Variants in TGFB2 observed in about 807,000 individuals in gnomAD.
The protein encoded by TGFB2 is transforming growth factor beta-2 proprotein.
A neutral mutation model predicts 42.7 loss-of-function variants in TGFB2; 13 were observed. The ratio of observed to expected loss-of-function variants is 0.30; its 90% confidence interval spans 0.20 to 0.48. The LOEUF (loss-of-function observed/expected upper bound fraction) is 0.48, where lower values mean the gene tolerates loss of function less well. TGFB2 is among the 20% of genes least tolerant of loss of function. The pLI is 0.99. For missense variants in TGFB2, 390 were observed against 517.5 expected (o/e 0.75, Z 2.39); for synonymous variants, 193 against 193.6 (o/e 1.00, Z 0.03).
chr1:218,437,596 C>T (rs1660013659), intron 6 of TGFB2, 100 bp downstream of exon 6: 3 of 1,288,466 alleles, frequency 2.3e-6, no homozygotes, highest in Admixed American at 2.8e-5. Context: ...TGCTGTCTTA[C>T]CATCACACAT....
At chr1:218,430,973 G>A (rs1447322735) in intron 2 of TGFB2, among the ~76,000 whole-genome samples, 1 of 152,174 alleles carries the variant, frequency 6.6e-6, no homozygotes, top group African/African-American at 2.4e-5. Context: ...TCTGAGTGAT[G>A]GAAAGCAGCT....
intron 1 of TGFB2, among the ~76,000 whole-genome samples, chr1:218,375,916 T>G (rs1399483572): frequency 6.6e-6 from 1 of 152,128 alleles, no homozygotes; most frequent in Non-Finnish European, 1.5e-5. Flanking sequence ...CCCCTGAACT[T>G]AAGAAGTTGA....
At chr1:218,394,704 A>C (rs986013876) in intron 1 of TGFB2, among the ~76,000 whole-genome samples, 29 of 150,782 alleles carry the variant, frequency 1.9e-4, no homozygotes, top group Non-Finnish European at 1.5e-5. Context: ...GGCCGGAGAG[A>C]AAATCAGAAA....
chr1:218,440,430 CTTAT>C (rs1423432342), intron 6 of TGFB2, among the ~76,000 whole-genome samples: 1 of 151,180 alleles, frequency 6.6e-6, no homozygotes, highest in African/African-American at 2.4e-5. Context: ...TCCTTCCTTC[CTTAT>C]TTATTTATTT....
At chr1:218,363,945 G>C (rs1371912242) in intron 1 of TGFB2, among the ~76,000 whole-genome samples, 1 of 152,098 alleles carries the variant, frequency 6.6e-6, no homozygotes, top group East Asian at 1.9e-4. Flanking sequence ...GGCCTTGAAT[G>C]CGGCCCAATG....
chr1:218,408,090 T>C (rs1034147782), intron 2 of TGFB2, among the ~76,000 whole-genome samples: 4 of 152,212 alleles, frequency 2.6e-5, no homozygotes, highest in Admixed American at 6.5e-5. Context: ...TTGGCCCTAC[T>C]TTAGTTACAT....
chr1:218,368,674 A>T (rs572634207), intron 1 of TGFB2, among the ~76,000 whole-genome samples: 1 of 152,202 alleles, frequency 6.6e-6, no homozygotes, highest in South Asian at 2.1e-4. Context: ...GGCATGGATG[A>T]ATTTGTTAAG....
chr1:218,434,252 A>G, intron 3 of TGFB2, 38 bp downstream of exon 3: 7 of 1,612,504 alleles, frequency 4.3e-6, no homozygotes, highest in Non-Finnish European at 5.9e-6. Flanking sequence ...CAAGATGTTC[A>G]GTATCCCTAA....
At chr1:218,420,569 T>C (rs1408840883) in intron 2 of TGFB2, among the ~76,000 whole-genome samples, 1 of 151,836 alleles carries the variant, frequency 6.6e-6, no homozygotes, top group Non-Finnish European at 1.5e-5. Flanking sequence ...AAGGAAACAA[T>C]AGGGAATTAT....
intron 1 of TGFB2, among the ~76,000 whole-genome samples, chr1:218,378,928 G>A (rs1232802323): frequency 1.3e-5 from 2 of 151,960 alleles, no homozygotes; most frequent in South Asian, 2.1e-4. Context: ...TTGCTTCCTC[G>A]CTGGGTCTGT....
At chr1:218,368,186 C>CAAGGCTTGAGTGA (rs1657448893) in intron 1 of TGFB2, among the ~76,000 whole-genome samples, 1 of 151,730 alleles carries the variant, frequency 6.6e-6, no homozygotes, top group Non-Finnish European at 1.5e-5. Context: ...CTCTTGTTGC[C>CAAGGCTTGAGTGA]CAGGCTGGAG....
intron 1 of TGFB2, among the ~76,000 whole-genome samples, chr1:218,373,390 GTAA>G (rs1421049276): frequency 2.6e-5 from 4 of 151,526 alleles, no homozygotes; most frequent in South Asian, 2.1e-4. Context: ...AATATGATTA[GTAA>G]TAATAATATG....
intron 1 of TGFB2, among the ~76,000 whole-genome samples, chr1:218,400,369 G>C (rs1658674829): frequency 6.6e-6 from 1 of 152,088 alleles, no homozygotes; most frequent in Non-Finnish European, 1.5e-5. Flanking sequence ...TTGGGCATGG[G>C]GATGCTCCCA....
chr1:218,411,460 C>T (rs1251295333), intron 2 of TGFB2, among the ~76,000 whole-genome samples: 1 of 152,106 alleles, frequency 6.6e-6, no homozygotes, highest in Non-Finnish European at 1.5e-5. Context: ...AGCTGGGCTC[C>T]TCCCCCTAGA....
chr1:218,411,132 C>T (rs1331005995), intron 2 of TGFB2, among the ~76,000 whole-genome samples: 1 of 152,178 alleles, frequency 6.6e-6, no homozygotes, highest in East Asian at 1.9e-4. Flanking sequence ...CAACTCACAC[C>T]CTTTCAATAG....
intron 6 of TGFB2, among the ~76,000 whole-genome samples, chr1:218,437,939 A>G (rs1201245251): frequency 6.6e-6 from 1 of 152,204 alleles, no homozygotes; most frequent in African/African-American, 2.4e-5. Flanking sequence ...CAGGGTAATT[A>G]GGATATCCAT....
chr1:218,441,180 C>G, intron 6 of TGFB2, 24 bp from the exon 7 acceptor site: 1 of 1,580,902 alleles, frequency 6.3e-7, no homozygotes, highest in Non-Finnish European at 8.5e-7. Flanking sequence ...CCTATGTTGT[C>G]TCTCCTCTCC....
chr1:218,352,234 G>C (rs147021790), intron 1 of TGFB2, among the ~76,000 whole-genome samples: 26 of 151,084 alleles, frequency 1.7e-4, no homozygotes, highest in African/African-American at 6.3e-4. Flanking sequence ...TCTTGATGTA[G>C]CATTTCCGGT....
Position 218,441,485 on chromosome 1 carries a change from T to A in TGFB2, c.*123T>A. On this transcript the variant is annotated 3_prime_UTR_variant, in exon 7 of 7. Transcript: ENST00000366930. ...CCTTGGTTCATCAGTGTTAAAAAAT[T>A]TTTGAAAAGGCGGTACTAGTTCAGA... is the stretch of plus-strand genomic sequence containing the variant. The A allele has an allele frequency of 9.0e-7, 1 of 1,106,706 alleles. No homozygotes were observed. The highest frequency in any genetic ancestry group is 1.8e-5 in the South Asian group (1 of 54,232). 68.6% of individuals were successfully genotyped at this position (1,106,706 alleles called of 1,614,324 possible).
Sources: allele counts gnomAD v4.1 joint callset (sites outside exome capture counted in the v4.1 genomes callset), GRCh38; gene constraint gnomAD v4.1.1; transcripts MANE v1.5; gene names NCBI Gene and HGNC (gene_info 2026-07-23, HGNC 2026-07-21).